MPRIP: variants seen among roughly 807,000 people sequenced by gnomAD.
The protein encoded by MPRIP is myosin phosphatase Rho interacting protein, also known as myosin phosphatase Rho-interacting protein.
Under a neutral mutation model 234.9 loss-of-function variants are expected in MPRIP, and 59 were observed. The ratio of observed to expected loss-of-function variants is 0.25; its 90% CI spans 0.20 to 0.31. MPRIP has a LOEUF of 0.31. Ranked by LOEUF, MPRIP falls within the 10% of genes least tolerant of loss-of-function variation. MPRIP has a pLI of 1.00. For synonymous variants in MPRIP, 1,144 were observed against 1,263.9 expected (o/e 0.91, Z 2.01); for missense variants, 2,436 against 3,071.0 (o/e 0.79, Z 4.89).
chr17:17,177,212 T>C, intron 21 of MPRIP, 38 bp from the exon 22 acceptor site: 2 of 1,595,750 alleles, frequency 1.3e-6, no homozygotes, highest in African/African-American at 1.3e-5. Flanking sequence ...TCCTCTTTCC[T>C]GGATGTAACT....
Position 17,122,879 on chromosome 17 carries a change from C to T in MPRIP, c.268-3823C>T, listed in dbSNP as rs138792315. 7.9e-5 allele frequency among the ~76,000 whole-genome samples: 12 copies of T among 152,322 alleles called. No homozygotes were observed. In the East Asian group the frequency reaches 2.3e-3, roughly 29 times the overall value. On this transcript the variant is annotated intron_variant, in intron 3 of 23. Coordinates refer to ENST00000651222, the MANE Select transcript of MPRIP (RefSeq NM_001364716.4). ...CCCAGCACTTCTGCTCCTAGGTACA[C>T]ACCCAAGAGAAATGAGAGCACAGGA... is the stretch of plus-strand genomic sequence containing the variant.
At position 17,102,984 on chromosome 17, in the gene MPRIP, A is replaced by T. The variant is rs568297398; in HGVS notation, c.268-23718A>T. Among the ~76,000 whole-genome samples, 32 of 152,314 alleles carry T rather than the reference A, an allele frequency of 2.1e-4. No individual in the cohort carries two copies. The South Asian group carries it at 6.6e-3, about 32-fold the overall frequency. The stretch of plus-strand genomic sequence containing the variant: ...GGCTCCAAGAGTTGATGCTGCATGC[A>T]GGCCTCATGTACTTTGACACAAGTG... On this transcript the variant is annotated intron_variant, in intron 3 of 23. Coordinates refer to ENST00000651222, the MANE Select transcript of MPRIP (RefSeq NM_001364716.4).
intron 20 of MPRIP, among the ~76,000 whole-genome samples, chr17:17,176,058 ATG>A (rs1463447956): frequency 8.5e-5 from 13 of 152,186 alleles, no homozygotes; most frequent in African/African-American, 3.1e-4. Flanking sequence ...CTTGTACTAA[ATG>A]AGTGCTTTAC....
At chr17:17,121,637 G>C (rs1268747377) in intron 3 of MPRIP, among the ~76,000 whole-genome samples, 6 of 152,244 alleles carry the variant, frequency 3.9e-5, no homozygotes, top group Non-Finnish European at 8.8e-5. Flanking sequence ...GCACTACTGA[G>C]ACTTGGAGGG....
intron 10 of MPRIP, among the ~76,000 whole-genome samples, chr17:17,146,415 G>T (rs2045467384): frequency 2.0e-5 from 3 of 152,242 alleles, no homozygotes; most frequent in South Asian, 4.1e-4. Context: ...TTGTTTAGGG[G>T]CCTGGCTTCC....
chr17:17,061,018 T>C (rs1221256099), intron 1 of MPRIP, among the ~76,000 whole-genome samples: 7 of 152,214 alleles, frequency 4.6e-5, no homozygotes, highest in Non-Finnish European at 1.0e-4. Context: ...AGGCTTGTTC[T>C]GAAAGAGAAG....
chr17:17,126,605 C>A, intron 3 of MPRIP, 97 bp from the exon 4 acceptor site: 1 of 1,366,530 alleles, frequency 7.3e-7, no homozygotes, highest in South Asian at 1.4e-5. Flanking sequence ...CTCCTAGAGG[C>A]CCCACAGGCT....
At chr17:17,069,586 ATATATTTT>A (rs955767854) in intron 1 of MPRIP, among the ~76,000 whole-genome samples, 2 of 147,330 alleles carry the variant, frequency 1.4e-5, no homozygotes, top group Non-Finnish European at 3.0e-5. Flanking sequence ...ATCTCTTTGT[ATATATTTT>A]TTACTGGTTA....
intron 1 of MPRIP, among the ~76,000 whole-genome samples, chr17:17,067,874 C>A (rs1271319918): frequency 1.4e-5 from 2 of 138,158 alleles, no homozygotes; most frequent in Admixed American, 7.8e-5. Context: ...TCCAGTAAAA[C>A]CATCTGGGCT....
At chr17:17,058,006 G>C (rs529784164) in intron 1 of MPRIP, 121 of 370,084 alleles carry the variant, frequency 3.3e-4, no homozygotes, top group Admixed American at 8.1e-4. Flanking sequence ...CATCCTTCAC[G>C]CCCCTCCCCA....
intron 1 of MPRIP, among the ~76,000 whole-genome samples, chr17:17,054,315 C>G (rs2088629054): frequency 6.6e-6 from 1 of 152,188 alleles, no homozygotes; most frequent in African/African-American, 2.4e-5. Flanking sequence ...GGTGGGCTGG[C>G]TGAGTGCTTC....
At chr17:17,112,548 G>A (rs113500398) in intron 3 of MPRIP, among the ~76,000 whole-genome samples, 17 of 152,152 alleles carry the variant, frequency 1.1e-4, no homozygotes, top group African/African-American at 3.9e-4. Context: ...TCCTCTGTAC[G>A]TGGAACAGTC....
intron 3 of MPRIP, chr17:17,097,043 GA>G: frequency 3.3e-6 from 1 of 307,490 alleles, no homozygotes; most frequent in Non-Finnish European, 6.6e-6. Context: ...AACAATCTAG[GA>G]ACATTCTGGG....
intron 13 of MPRIP, among the ~76,000 whole-genome samples, chr17:17,156,651 C>T (rs2045736562): frequency 2.0e-5 from 3 of 152,266 alleles, no homozygotes; most frequent in South Asian, 4.1e-4. Context: ...CTAGGGAGTG[C>T]GGCCGGTTCT....
chr17:17,133,605 A>T (rs2090639173), intron 5 of MPRIP, among the ~76,000 whole-genome samples: 1 of 152,096 alleles, frequency 6.6e-6, no homozygotes, highest in African/African-American at 2.4e-5. Flanking sequence ...ACCAGTGGAG[A>T]GCTTGAAGCG....
At chr17:17,084,009 TG>T (rs1344519863) in intron 3 of MPRIP, among the ~76,000 whole-genome samples, 6 of 152,184 alleles carry the variant, frequency 3.9e-5, no homozygotes, top group African/African-American at 1.4e-4. Context: ...CCAGAGTCCA[TG>T]TGATTTCTAA....
chr17:17,087,681 C>T (rs1179676383), intron 3 of MPRIP, among the ~76,000 whole-genome samples: 1 of 152,232 alleles, frequency 6.6e-6, no homozygotes, highest in East Asian at 1.9e-4. Flanking sequence ...CTCTACAGGA[C>T]GGTGAGCGCC....
At chr17:17,063,201 C>G (rs2143942542) in intron 1 of MPRIP, among the ~76,000 whole-genome samples, 1 of 152,328 alleles carries the variant, frequency 6.6e-6, no homozygotes, top group Middle Eastern at 3.4e-3. Context: ...TCCAGCAGCA[C>G]TCAGAGCTGT....
chr17:17,117,496 G>A (rs150173704), intron 3 of MPRIP, among the ~76,000 whole-genome samples: 16 of 152,322 alleles, frequency 1.1e-4, no homozygotes, highest in African/African-American at 3.1e-4. Flanking sequence ...TTCACTTAGC[G>A]TGATGTTTCC....
Sources: allele counts gnomAD v4.1 joint callset (sites outside exome capture counted in the v4.1 genomes callset), GRCh38; gene constraint gnomAD v4.1.1; transcripts MANE v1.5; gene names NCBI Gene and HGNC (gene_info 2026-07-23, HGNC 2026-07-21).